The following ADGRE1 variants were observed in gnomAD, a reference collection of about 807,000 sequenced individuals.
ADGRE1 encodes the protein EGF-like module receptor 1.
ADGRE1 carries 82 observed loss-of-function variants against 102.7 expected under a neutral mutation model. The ratio of observed to expected loss-of-function variants is 0.80; its 90% CI spans 0.67 to 0.96. The LOEUF (loss-of-function observed/expected upper bound fraction) is 0.96, where lower values mean the gene tolerates loss of function less well. ADGRE1 is among the 40% of genes least tolerant of loss of function. The pLI, the probability that ADGRE1 is intolerant of heterozygous loss-of-function variation, is 0.00. For missense variants in ADGRE1, 1,032 were observed against 1,085.3 expected, an observed-to-expected ratio of 0.95 and a Z score of 0.69; for synonymous variants, 398 against 399.6, an observed-to-expected ratio of 1.00 and a Z score of 0.05.
At chr19:6,935,818 C>A (rs252558) in intron 18 of ADGRE1, among the ~76,000 whole-genome samples, 73,297 of 152,094 alleles carry the variant, frequency 0.48, 18,695 homozygotes, top group East Asian at 0.69. Flanking sequence ...TTGTTTCCGA[C>A]GGTGAGAATA....
At chr19:6,897,616 A>G (rs1308639280) in intron 5 of ADGRE1, 69 bp downstream of exon 5, 1 of 1,422,248 alleles carries the variant, frequency 7.0e-7, no homozygotes. Flanking sequence ...GGAAGACCAT[A>G]TGAGAAAGGG....
chr19:6,899,849 T>C (rs1342239254), intron 5 of ADGRE1, among the ~76,000 whole-genome samples: 1 of 151,872 alleles, frequency 6.6e-6, no homozygotes, highest in African/African-American at 2.4e-5. Flanking sequence ...TCTCAGCACT[T>C]TGGGAGGCCA....
chr19:6,892,580 T>A (rs1422524506), intron 2 of ADGRE1, among the ~76,000 whole-genome samples: 1 of 152,170 alleles, frequency 6.6e-6, no homozygotes, highest in African/African-American at 2.4e-5. Context: ...TTCCAACCAG[T>A]GGCCAGAAGG....
At chr19:6,912,378 C>T (rs574827241) in intron 10 of ADGRE1, among the ~76,000 whole-genome samples, 1 of 152,316 alleles carries the variant, frequency 6.6e-6, no homozygotes, top group South Asian at 2.1e-4. Context: ...AGATATGAGT[C>T]CTTGTTTCTC....
At position 6,940,071 on chromosome 19, in the gene ADGRE1, A is replaced by G. The variant is rs947577179; in HGVS notation, c.*42A>G. 6.2e-7 allele frequency: 1 copy of G among 1,610,288 alleles called. No homozygotes were observed. Among genetic ancestry groups the G allele is most frequent in the African/African-American group, 1.3e-5 (1 of 74,858 alleles). On this transcript the variant is annotated 3_prime_UTR_variant, in exon 21 of 21. Coordinates refer to ENST00000312053, the MANE Select transcript of ADGRE1 (RefSeq NM_001974.5). ...CAAATATGCTATGGAGCCACAGTTG[A>G]GGACAGTAGTTTCCTGCAGGAGCCT... is the stretch of plus-strand genomic sequence containing the variant.
intron 19 of ADGRE1, 29 bp from the exon 20 acceptor site, chr19:6,937,515 G>T: frequency 6.2e-7 from 1 of 1,605,766 alleles, no homozygotes; most frequent in South Asian, 1.1e-5. Flanking sequence ...CCATTTCCCT[G>T]CATCTGGATG....
chr19:6,931,383 CTTG>C (rs774270946), intron 17 of ADGRE1, among the ~76,000 whole-genome samples: 14 of 152,132 alleles, frequency 9.2e-5, no homozygotes, highest in East Asian at 3.9e-4. Flanking sequence ...ACAACAGAGA[CTTG>C]TTGTTTCACA....
intron 1 of ADGRE1, among the ~76,000 whole-genome samples, chr19:6,889,367 T>C (rs1686232339): frequency 6.6e-6 from 1 of 151,998 alleles, no homozygotes; most frequent in African/African-American, 2.4e-5. Context: ...GCAGGAGACC[T>C]AAATGCTGCA....
intron 17 of ADGRE1, among the ~76,000 whole-genome samples, chr19:6,934,373 C>CTGGA (rs1277034237): frequency 6.7e-6 from 1 of 149,822 alleles, no homozygotes; most frequent in Non-Finnish European, 1.5e-5. Flanking sequence ...CTTTGGCTTT[C>CTGGA]TGGATTGGTT....
intron 17 of ADGRE1, among the ~76,000 whole-genome samples, chr19:6,930,392 T>C (rs1001259174): frequency 2.0e-5 from 3 of 152,218 alleles, no homozygotes; most frequent in Non-Finnish European, 4.4e-5. Flanking sequence ...TCACTCATGG[T>C]GGCTCATTCC....
intron 20 of ADGRE1, among the ~76,000 whole-genome samples, chr19:6,939,120 C>T (rs465197): frequency 0.48 from 73,368 of 151,838 alleles, 18,489 homozygotes; most frequent in East Asian, 0.69. Flanking sequence ...ATGAGGAAAC[C>T]GAATGTCATA....
chr19:6,939,952 G>A, intron 20 of ADGRE1, 72 bp from the exon 21 acceptor site: 1 of 1,519,548 alleles, frequency 6.6e-7, no homozygotes, highest in South Asian at 1.1e-5. Context: ...TGTCCCTGTA[G>A]ACATGACCCT....
intron 17 of ADGRE1, among the ~76,000 whole-genome samples, chr19:6,929,854 C>T (rs976036407): frequency 6.6e-5 from 10 of 152,024 alleles, no homozygotes; most frequent in African/African-American, 2.4e-4. Context: ...TGGGGTTTCA[C>T]CACGTTGACC....
Position 6,901,932 on chromosome 19 carries a change from C to G in ADGRE1, c.572C>G (p.Thr191Ser). The G allele has an allele frequency of 3.1e-6, 5 of 1,614,212 alleles. No individual in the cohort carries two copies. The highest frequency in any genetic ancestry group is 4.2e-6 in the Non-Finnish European group (5 of 1,180,038). ...ACPEHATCNNTVGNYSCFCNP... is the reference protein window; with the variant it reads ...ACPEHATCNNSVGNYSCFCNP... ...CCAGAGCATGCAACTTGTAATAACA[C>G]TGTTGGAAACTACTCTTGTTTCTGC... The change falls in exon 6 of 21, where the codon ACT (threonine) becomes AGT (serine). Residue 191 changes from threonine to serine, a missense_variant. Coordinates refer to ENST00000312053, the MANE Select transcript of ADGRE1 (RefSeq NM_001974.5).
chr19:6,902,813 T>A (rs1030906110), intron 6 of ADGRE1, among the ~76,000 whole-genome samples: 12 of 152,248 alleles, frequency 7.9e-5, no homozygotes, highest in African/African-American at 2.4e-4. Context: ...CTCAGCTTAC[T>A]GCCACCTCTG....
At chr19:6,909,895 C>T (rs35896437) in intron 10 of ADGRE1, among the ~76,000 whole-genome samples, 87,132 of 151,780 alleles carry the variant, frequency 0.57, 27,378 homozygotes, top group Non-Finnish European at 0.7. Flanking sequence ...CCACCATGCC[C>T]GGCTAATTTT....
At chr19:6,889,000 A>G (rs1263935991) in intron 1 of ADGRE1, among the ~76,000 whole-genome samples, 1 of 152,048 alleles carries the variant, frequency 6.6e-6, no homozygotes, top group Non-Finnish European at 1.5e-5. Context: ...GAAAATGGTG[A>G]TGATGATGGT....
chr19:6,899,716 C>T (rs1273545499), intron 5 of ADGRE1, among the ~76,000 whole-genome samples: 4 of 151,470 alleles, frequency 2.6e-5, no homozygotes, highest in African/African-American at 7.3e-5. Context: ...AAGAACAAAA[C>T]ACACAAAACC....
intron 5 of ADGRE1, chr19:6,898,359 C>T (rs1973646992): frequency 4.4e-6 from 7 of 1,597,888 alleles, no homozygotes; most frequent in Non-Finnish European, 5.1e-6. Context: ...ATTCATCCTG[C>T]AAAAACATGT....
Sources: allele counts gnomAD v4.1 joint callset (sites outside exome capture counted in the v4.1 genomes callset), GRCh38; gene constraint gnomAD v4.1.1; transcripts MANE v1.5; gene names NCBI Gene and HGNC (gene_info 2026-07-23, HGNC 2026-07-21).